The following CDKAL1 variants were observed in gnomAD, a reference collection of about 807,000 sequenced individuals.
The protein encoded by CDKAL1 is threonylcarbamoyladenosine tRNA methylthiotransferase.
Under a neutral mutation model 68.2 loss-of-function variants are expected in CDKAL1, and 32 were observed. That is an observed-to-expected ratio of 0.47 (90% CI 0.35 to 0.63). The LOEUF is 0.63. Ranked by LOEUF, CDKAL1 falls within the 30% of genes least tolerant of loss-of-function variation. The pLI, the probability that CDKAL1 is intolerant of heterozygous loss-of-function variation, is 0.00. For missense variants in CDKAL1, 606 were observed against 696.7 expected, an observed-to-expected ratio of 0.87 and a Z score of 1.47; for synonymous variants, 234 against 244.3, an observed-to-expected ratio of 0.96 and a Z score of 0.39.
chr6:20,854,611 A>T (rs1759220639), intron 9 of CDKAL1, among the ~76,000 whole-genome samples: 1 of 152,242 alleles, frequency 6.6e-6, no homozygotes, highest in Non-Finnish European at 1.5e-5. Flanking sequence ...GGAAACAAGG[A>T]TGTGATCCCA....
chr6:20,810,408 A>T (rs1344614791), intron 8 of CDKAL1, among the ~76,000 whole-genome samples: 3 of 103,868 alleles, frequency 2.9e-5, no homozygotes, highest in African/African-American at 4.4e-5. Flanking sequence ...ACACACACAC[A>T]CACACACACA....
intron 11 of CDKAL1, among the ~76,000 whole-genome samples, chr6:21,025,950 CATT>C (rs918252194): frequency 2.3e-4 from 35 of 152,250 alleles, no homozygotes; most frequent in African/African-American, 7.7e-4. Flanking sequence ...TTTCTCCCAT[CATT>C]GTTTTGAATG....
intron 11 of CDKAL1, 45 bp from the exon 12 acceptor site, chr6:21,065,003 T>C (rs373929062): frequency 1.7e-6 from 2 of 1,150,484 alleles, no homozygotes; most frequent in Non-Finnish European, 1.2e-6. Flanking sequence ...AGAATAATTA[T>C]GGCTTATAGT....
At chr6:20,620,692 A>T (rs1163463258) in intron 4 of CDKAL1, among the ~76,000 whole-genome samples, 1 of 146,628 alleles carries the variant, frequency 6.8e-6, no homozygotes, top group African/African-American at 2.5e-5. Flanking sequence ...CTAACACCGA[A>T]TTTTTTTTTT....
At chr6:20,606,545 T>C (rs1399005733) in intron 4 of CDKAL1, among the ~76,000 whole-genome samples, 1 of 152,176 alleles carries the variant, frequency 6.6e-6, no homozygotes, top group South Asian at 2.1e-4. Flanking sequence ...TTTAAATAAA[T>C]ACAGGGTGAG....
At chr6:20,574,297 T>C (rs1462212365) in intron 4 of CDKAL1, among the ~76,000 whole-genome samples, 2 of 152,120 alleles carry the variant, frequency 1.3e-5, no homozygotes, top group Non-Finnish European at 2.9e-5. Context: ...CTTTTATAAT[T>C]TTTCCACAAT....
intron 9 of CDKAL1, among the ~76,000 whole-genome samples, chr6:20,888,954 G>C (rs374190977): frequency 2.0e-4 from 30 of 152,238 alleles, no homozygotes; most frequent in African/African-American, 6.0e-4. Context: ...ACACTGACTT[G>C]CACAATGGTT....
At position 21,197,424 on chromosome 6, in the gene CDKAL1, A is replaced by T. The variant is rs188261340; in HGVS notation, c.1300-597A>T. 2.6e-3 allele frequency among the ~76,000 whole-genome samples: 398 copies of T among 152,282 alleles called. 2 individuals carry two copies. Among genetic ancestry groups the T allele is most frequent in the African/African-American group, 9.3e-3 (385 of 41,566 alleles). On this transcript the variant is annotated intron_variant, in intron 13 of 15. Transcript: ENST00000274695. ...ATGGGGTCATGACTGCAGCAAAGAGACAGTTGCCTGTGACAGAGAAAATGT... is the reference window on the plus strand; with the variant it reads ...ATGGGGTCATGACTGCAGCAAAGAGTCAGTTGCCTGTGACAGAGAAAATGT...
At chr6:21,089,542 G>A (rs1406542805) in intron 12 of CDKAL1, among the ~76,000 whole-genome samples, 1 of 152,138 alleles carries the variant, frequency 6.6e-6, no homozygotes, top group Non-Finnish European at 1.5e-5. Flanking sequence ...ATGTGACTGT[G>A]TAGATCCTTT....
At chr6:21,171,345 TG>T (rs1479423815) in intron 13 of CDKAL1, among the ~76,000 whole-genome samples, 1 of 152,128 alleles carries the variant, frequency 6.6e-6, no homozygotes, top group Non-Finnish European at 1.5e-5. Context: ...CCCGAGTAGC[TG>T]GGATTACAGG....
chr6:20,671,077 G>A (rs1769791525), intron 5 of CDKAL1, among the ~76,000 whole-genome samples: 1 of 152,114 alleles, frequency 6.6e-6, no homozygotes, highest in African/African-American at 2.4e-5. Flanking sequence ...AGGTAGGTAC[G>A]ATTATAGATA....
At position 21,003,393 on chromosome 6, in the gene CDKAL1, T is replaced by C. The variant is rs1199992643; in HGVS notation, c.1055+3021T>C. Among the ~76,000 whole-genome samples, 369 of 78,472 alleles carry C rather than the reference T, an allele frequency of 4.7e-3. 4 individuals are homozygous for C. Among genetic ancestry groups the C allele is most frequent in the East Asian group, 0.032 (76 of 2,340 alleles). The allele number at this position is 78,472 out of a possible 152,430, so 51.5% of individuals were successfully genotyped here. On this transcript the variant is annotated intron_variant, in intron 11 of 15. Coordinates refer to ENST00000274695, the MANE Select transcript of CDKAL1 (RefSeq NM_017774.3). ...ATATACACACACACACACACACATA[T>C]ATACACACATACCTACACAAAAATT...
intron 8 of CDKAL1, among the ~76,000 whole-genome samples, chr6:20,825,915 T>C (rs1777484260): frequency 6.6e-6 from 1 of 152,166 alleles, no homozygotes; most frequent in African/African-American, 2.4e-5. Context: ...TCCATTCTAT[T>C]TCTTATTCTG....
At chr6:20,976,993 C>G (rs1765876243) in intron 10 of CDKAL1, among the ~76,000 whole-genome samples, 1 of 152,156 alleles carries the variant, frequency 6.6e-6, no homozygotes, top group South Asian at 2.1e-4. Context: ...ACATAATACA[C>G]TCATTTCTCT....
intron 9 of CDKAL1, among the ~76,000 whole-genome samples, chr6:20,938,036 G>A (rs1182876399): frequency 6.6e-6 from 1 of 151,968 alleles, no homozygotes; most frequent in Non-Finnish European, 1.5e-5. Flanking sequence ...TTTACATTCA[G>A]TAATTAAAAT....
chr6:20,684,848 A>AT (rs1366343283), intron 5 of CDKAL1, among the ~76,000 whole-genome samples: 1 of 152,168 alleles, frequency 6.6e-6, no homozygotes, highest in Non-Finnish European at 1.5e-5. Context: ...GCTTTACCCC[A>AT]TTTTTTAATC....
intron 12 of CDKAL1, among the ~76,000 whole-genome samples, chr6:21,084,206 A>C (rs1470291061): frequency 2.0e-5 from 3 of 152,208 alleles, no homozygotes; most frequent in Non-Finnish European, 4.4e-5. Flanking sequence ...CATTTCTAAT[A>C]GATTAAGTTT....
chr6:20,567,817 G>C (rs1272979007), intron 4 of CDKAL1, among the ~76,000 whole-genome samples: 1 of 151,664 alleles, frequency 6.6e-6, no homozygotes, highest in Non-Finnish European at 1.5e-5. Context: ...AGGCTCAAGA[G>C]ATCCTCCTGC....
At chr6:20,793,117 G>C (rs1403906259) in intron 8 of CDKAL1, among the ~76,000 whole-genome samples, 1 of 152,118 alleles carries the variant, frequency 6.6e-6, no homozygotes, top group Non-Finnish European at 1.5e-5. Context: ...TTCTCACTCT[G>C]GAATTCAGTC....
Sources: allele counts gnomAD v4.1 joint callset (sites outside exome capture counted in the v4.1 genomes callset), GRCh38; gene constraint gnomAD v4.1.1; transcripts MANE v1.5; gene names NCBI Gene and HGNC (gene_info 2026-07-23, HGNC 2026-07-21).